LSM3: variants seen among roughly 807,000 people sequenced by gnomAD.
LSM3 encodes LSM3 homolog, U6 small nuclear RNA and mRNA degradation associated.
LSM3 carries 14 observed loss-of-function variants against 15.4 expected under a neutral mutation model. The observed-to-expected ratio is 0.91, with a 90% CI of 0.60 to 1.42. The LOEUF (loss-of-function observed/expected upper bound fraction) is 1.42, where lower values mean the gene tolerates loss of function less well. Among genes scored for constraint, LSM3 ranks in the 40% most tolerant of loss-of-function variants. The pLI is 0.00. For synonymous variants in LSM3, 46 were observed against 45.1 expected, an observed-to-expected ratio of 1.02 and a Z score of -0.08; for missense variants, 88 against 127.9, an observed-to-expected ratio of 0.69 and a Z score of 1.50.
intron 3 of LSM3, among the ~76,000 whole-genome samples, chr3:14,189,548 G>A (rs1455126029): frequency 6.6e-6 from 1 of 152,150 alleles, no homozygotes. Context: ...TTTCTCTAAT[G>A]ACAGTGATGA....
Position 14,199,195 on chromosome 3 carries a change from AAAC to A in LSM3, c.*1084_*1086del, listed in dbSNP as rs1282990368. 2.6e-5 allele frequency: 4 copies of A among 152,356 alleles called. No individual in the cohort carries two copies. In the South Asian group the frequency reaches 6.2e-4, roughly 24 times the overall value. 9.4% of individuals were successfully genotyped at this position (152,356 alleles called of 1,614,324 possible). A position where few individuals can be genotyped will look rare whatever the true frequency, so the allele number is the denominator to read the frequency against. ...TTGGCCATTAATGATGAGGGGTCTCAAACAACATGTCTCAGTGACACAGTAAAG... is the reference window on the plus strand; with the variant it reads ...TTGGCCATTAATGATGAGGGGTCTCAAACATGTCTCAGTGACACAGTAAAG... On this transcript the variant is annotated 3_prime_UTR_variant, in exon 4 of 4. Coordinates refer to ENST00000306024, the MANE Select transcript of LSM3 (RefSeq NM_014463.3).
At chr3:14,192,230 TGTG>T (rs1353854260) in intron 3 of LSM3, among the ~76,000 whole-genome samples, 12 of 152,214 alleles carry the variant, frequency 7.9e-5, no homozygotes, top group African/African-American at 2.9e-4. Flanking sequence ...ATAAGTGTGA[TGTG>T]GTGCTGAGAA....
Position 14,183,922 on chromosome 3 carries a change from A to T in LSM3, c.133-15A>T. The T allele has an allele frequency of 6.3e-7, 1 of 1,586,466 alleles. No individual in the cohort carries two copies. The highest frequency in any genetic ancestry group is 1.4e-5 in the African/African-American group (1 of 73,734). The stretch of plus-strand genomic sequence containing the variant: ...TGATTATTAAATTTCTTGGTTCTGT[A>T]CCCTCCCACTTTAGGCTTATGATCA... On this transcript the variant is annotated splice_polypyrimidine_tract_variant and intron_variant, in intron 2 of 3. Coordinates refer to ENST00000306024, the MANE Select transcript of LSM3 (RefSeq NM_014463.3).
intron 3 of LSM3, 52 bp downstream of exon 3, chr3:14,184,084 C>T (rs927710490): frequency 1.3e-5 from 21 of 1,559,276 alleles, no homozygotes; most frequent in Admixed American, 5.7e-5. Flanking sequence ...TGTTCTCTCT[C>T]GAACAGCTTA....
chr3:14,197,988 AGTAATACACAG>A, intron 3 of LSM3, 37 bp from the exon 4 acceptor site: 1 of 1,407,352 alleles, frequency 7.1e-7, no homozygotes, highest in South Asian at 1.2e-5. Context: ...AACAATAAGC[AGTAATACACAG>A]TTGTACAAAT....
At chr3:14,195,910 T>C (rs1308068838) in intron 3 of LSM3, among the ~76,000 whole-genome samples, 1 of 152,068 alleles carries the variant, frequency 6.6e-6, no homozygotes. Context: ...GTTTCCTTTG[T>C]ATAAAGCTGT....
At chr3:14,195,405 C>G (rs188589586) in intron 3 of LSM3, among the ~76,000 whole-genome samples, 6 of 152,000 alleles carry the variant, frequency 3.9e-5, no homozygotes, top group East Asian at 1.9e-4. Context: ...CTGCTCCCCC[C>G]CACCCACACT....
intron 3 of LSM3, among the ~76,000 whole-genome samples, chr3:14,188,624 C>T (rs1697112419): frequency 6.6e-6 from 1 of 151,764 alleles, no homozygotes; most frequent in Admixed American, 6.6e-5. Context: ...CTCCCTTCCC[C>T]TGTTTTTTTA....
chr3:14,180,820 C>CTTTTTTTT lies in LSM3; in HGVS notation c.22-740_22-739insTTTTTTTT, dbSNP rs1436714313. On this transcript the variant is annotated intron_variant, in intron 1 of 3. Transcript: ENST00000306024. The stretch of plus-strand genomic sequence containing the variant: ...TGACTCCAAAGCCAGTGCTTGCTTG[C>CTTTTTTTT]CTTTTTTTTTTTTTTTTTTTTTTTT... 1.2e-4 allele frequency among the ~76,000 whole-genome samples: 6 copies of CTTTTTTTT among 51,418 alleles called. 1 individual carries two copies. The highest frequency in any genetic ancestry group is 1.3e-3 in the South Asian group (2 of 1,514). The allele number at this position is 51,418 out of a possible 152,430, so 33.7% of individuals were successfully genotyped here.
intron 3 of LSM3, among the ~76,000 whole-genome samples, chr3:14,187,722 C>T (rs1697102045): frequency 6.6e-6 from 1 of 152,182 alleles, no homozygotes; most frequent in Non-Finnish European, 1.5e-5. Context: ...GTATGGGGGA[C>T]CCATAAACCA....
At chr3:14,189,873 A>G (rs183794181) in intron 3 of LSM3, among the ~76,000 whole-genome samples, 33 of 152,322 alleles carry the variant, frequency 2.2e-4, no homozygotes, top group African/African-American at 7.0e-4. Flanking sequence ...GTCTTTGCCC[A>G]TGCCTATGTC....
At chr3:14,186,162 C>G (rs1040735315) in intron 3 of LSM3, among the ~76,000 whole-genome samples, 1 of 152,232 alleles carries the variant, frequency 6.6e-6, no homozygotes, top group Non-Finnish European at 1.5e-5. Flanking sequence ...GCTGGAATTA[C>G]AGGTGGGAGC....
chr3:14,192,213 T>C (rs962486770), intron 3 of LSM3, among the ~76,000 whole-genome samples: 2 of 152,218 alleles, frequency 1.3e-5, no homozygotes, highest in African/African-American at 4.8e-5. Context: ...ATGTGGTCAA[T>C]TTTAGAATAA....
intron 3 of LSM3, among the ~76,000 whole-genome samples, chr3:14,184,555 C>A (rs1396644056): frequency 2.0e-5 from 3 of 148,814 alleles, no homozygotes; most frequent in African/African-American, 7.5e-5. Flanking sequence ...GAGATCGAGA[C>A]CATCCCGGCT....
At chr3:14,182,279 C>A (rs1050187141) in intron 2 of LSM3, among the ~76,000 whole-genome samples, 1 of 151,678 alleles carries the variant, frequency 6.6e-6, no homozygotes, top group African/African-American at 2.4e-5. Flanking sequence ...CACATACTTG[C>A]ATTATGTACA....
chr3:14,180,821 CTTTTTT>C (rs1164090236), intron 1 of LSM3, among the ~76,000 whole-genome samples: 62 of 46,744 alleles, frequency 1.3e-3, no homozygotes, highest in African/African-American at 4.6e-3. Flanking sequence ...GCTTGCTTGC[CTTTTTT>C]TTTTTTTTTT....
chr3:14,199,920 G>T lies in LSM3; in HGVS notation c.*1804G>T, dbSNP rs1471346272. 6.6e-6 allele frequency: 1 copy of T among 152,346 alleles called. No individual in the cohort carries two copies. The highest frequency in any genetic ancestry group is 2.4e-5 in the African/African-American group (1 of 41,454). 9.4% of individuals were successfully genotyped at this position (152,346 alleles called of 1,614,324 possible). A position where few individuals can be genotyped will look rare whatever the true frequency, so the allele number is the denominator to read the frequency against. On this transcript the variant is annotated 3_prime_UTR_variant, in exon 4 of 4. Transcript: ENST00000306024. ...GTTGGCTCCTGGTGTTCACTAAGGC[G>T]TGGGGTGACAGGCCATCTGGCCTCG...
chr3:14,195,930 G>A (rs1475376600), intron 3 of LSM3, among the ~76,000 whole-genome samples: 2 of 151,352 alleles, frequency 1.3e-5, no homozygotes, highest in African/African-American at 2.4e-5. Context: ...TGTGCCCTTG[G>A]CTATCTTGAG....
chr3:14,181,743 TC>T, intron 2 of LSM3, 73 bp downstream of exon 2: 1 of 1,093,564 alleles, frequency 9.1e-7, no homozygotes, highest in Non-Finnish European at 1.4e-6. Flanking sequence ...GTAAAACCTG[TC>T]CAGAGTGAAA....
Sources: allele counts gnomAD v4.1 joint callset (sites outside exome capture counted in the v4.1 genomes callset), GRCh38; gene constraint gnomAD v4.1.1; transcripts MANE v1.5; gene names NCBI Gene and HGNC (gene_info 2026-07-23, HGNC 2026-07-21).